The following DNAAF1 variants were observed in gnomAD, a reference collection of about 807,000 sequenced individuals.
DNAAF1 encodes dynein axonemal assembly factor 1, also known as dynein assembly factor 1, axonemal.
DNAAF1 carries 65 observed loss-of-function variants against 71.1 expected under a neutral mutation model. That is an observed-to-expected ratio of 0.91 (90% CI 0.75 to 1.12). DNAAF1 has a LOEUF of 1.12. Among genes scored for constraint, DNAAF1 ranks in the 50% most tolerant of loss-of-function variants. The pLI, the probability that DNAAF1 is intolerant of heterozygous loss-of-function variation, is 0.00. For missense variants in DNAAF1, 1,178 were observed against 899.8 expected (o/e 1.31, Z -3.96); for synonymous variants, 414 against 354.6 (o/e 1.17, Z -1.88).
At chr16:84,174,329 T>C in intron 9 of DNAAF1, 1 of 1,227,858 alleles carries the variant, frequency 8.1e-7, no homozygotes, top group South Asian at 1.7e-5. Context: ...CGGACTAGTT[T>C]GTACAGAGGT....
intron 1 of DNAAF1, among the ~76,000 whole-genome samples, chr16:84,147,759 CCA>C (rs2086979893): frequency 6.7e-6 from 1 of 149,668 alleles, no homozygotes; most frequent in Non-Finnish European, 1.5e-5. Flanking sequence ...TAAGCCCCCC[CCA>C]AAAAAAAAAT....
At chr16:84,173,223 G>T (rs573923993) in intron 9 of DNAAF1, 1 of 973,528 alleles carries the variant, frequency 1.0e-6, no homozygotes, top group East Asian at 1.1e-4. Flanking sequence ...CAGCACTTTG[G>T]GAGGCCGAGG....
Position 84,169,918 on chromosome 16 carries a change from G to C in DNAAF1, c.1090G>C (p.Glu364Gln). ...NVPASAEGKE[E>Q]PPGDRETRQK... ...GCCCGCCAGTGCGGAAGGCAAGGAG[G>C]AGCCTCCCGGGGACAGAGAAACAAG... is the stretch of plus-strand genomic sequence containing the variant. The change falls in exon 8 of 12, where the codon GAG becomes CAG. Residue 364 changes from glutamate to glutamine, a missense_variant. Glu to Gln is a conservative substitution (Grantham distance 29). Transcript: ENST00000378553. 1 of 1,614,148 alleles carries C rather than the reference G, an allele frequency of 6.2e-7. No individual in the cohort carries two copies. Among genetic ancestry groups the C allele is most frequent in the Non-Finnish European group, 8.5e-7 (1 of 1,180,024 alleles).
intron 3 of DNAAF1, 42 bp from the exon 4 acceptor site, chr16:84,154,535 T>C (rs1280852870): frequency 1.9e-6 from 3 of 1,585,430 alleles, no homozygotes; most frequent in Non-Finnish European, 2.6e-6. Context: ...CCCTCTGCCC[T>C]GGGAGTAGGA....
At position 84,169,863 on chromosome 16, in the gene DNAAF1, G is replaced by T. The variant is rs2088231335; in HGVS notation, c.1035G>T (p.Glu345Asp). The change falls in exon 8 of 12, where the codon GAG (glutamate) becomes GAT (aspartate). Residue 345 changes from glutamate (E) to aspartate (D), a missense_variant. Glu to Asp is a conservative substitution (Grantham distance 45). Coordinates refer to ENST00000378553, the MANE Select transcript of DNAAF1 (RefSeq NM_178452.6). ...KRQRESQERGEMTSSDDGENV... is the reference protein window; with the variant it reads ...KRQRESQERGDMTSSDDGENV... ...CTTTGCATTTTCTGCCATTAGGGGA[G>T]ATGACATCTTCAGATGATGGTGAGA... 1 of 1,613,720 alleles carries T rather than the reference G, an allele frequency of 6.2e-7. No homozygotes were observed.
chr16:84,150,496 T>C, intron 3 of DNAAF1, among the ~76,000 whole-genome samples, 154 bp downstream of exon 3: 1 of 152,200 alleles, frequency 6.6e-6, no homozygotes, highest in South Asian at 2.1e-4. Flanking sequence ...AGGAATAACA[T>C]TTATTTCAAG....
At chr16:84,161,292 G>A (rs1198880516) in intron 6 of DNAAF1, among the ~76,000 whole-genome samples, 1 of 152,146 alleles carries the variant, frequency 6.6e-6, no homozygotes, top group Non-Finnish European at 1.5e-5. Flanking sequence ...CGCCCCAGGG[G>A]CCATGCTGAG....
intron 5 of DNAAF1, 107 bp from the exon 6 acceptor site, chr16:84,159,568 T>C (rs2087605651): frequency 6.8e-7 from 1 of 1,469,016 alleles, no homozygotes; most frequent in Non-Finnish European, 9.3e-7. Context: ...CACTTCTATT[T>C]TGCTCAAAAA....
rs201879363 is a variant in DNAAF1, at chr16:84,150,263, T to C, written c.273T>C (p.Ser91=). The C allele has an allele frequency of 6.2e-7, 1 of 1,613,168 alleles. No homozygotes were observed. Among genetic ancestry groups the C allele is most frequent in the Non-Finnish European group, 8.5e-7 (1 of 1,179,116 alleles). ...REDRGPRMTK[S]SLQKLCKQHK... ...TCCATTTTAACAGAATGACTAAAAG[T>C]TCCCTGCAAAAACTCTGCAAGCAGC... is the stretch of plus-strand genomic sequence containing the variant. Residue 91 remains serine, a synonymous_variant, in exon 3 of 12, where the codon AGT becomes AGC. Coordinates refer to ENST00000378553, the MANE Select transcript of DNAAF1 (RefSeq NM_178452.6).
intron 4 of DNAAF1, 131 bp from the exon 5 acceptor site, chr16:84,155,452 C>A: frequency 9.3e-7 from 1 of 1,073,740 alleles, no homozygotes; most frequent in Non-Finnish European, 1.4e-6. Context: ...TGGTCTCAAA[C>A]CTCCTGGGCT....
intron 7 of DNAAF1, among the ~76,000 whole-genome samples, chr16:84,168,144 G>A (rs1474876778): frequency 6.6e-5 from 10 of 152,198 alleles, no homozygotes; most frequent in African/African-American, 1.7e-4. Context: ...GGGCCCCAGG[G>A]GAGAACCCGC....
In DNAAF1 at chr16:84,170,032, G is replaced by C. The variant is rs768393859; in HGVS notation, c.1204G>C (p.Glu402Gln). Reference protein sequence around the residue: ...EKPSGEEPPVEAKREDGGPEP... With the variant: ...EKPSGEEPPVQAKREDGGPEP... ...GCCAAGTGGAGAGGAGCCGCCTGTG[G>C]AGGCTAAAAGAGAGGATGGAGGTCC... is the stretch of plus-strand genomic sequence containing the variant. The change falls in exon 8 of 12, where the codon GAG (glutamate) becomes CAG (glutamine). Residue 402 changes from glutamate (E) to glutamine (Q), a missense_variant. Glu to Gln is a conservative substitution (Grantham distance 29). Coordinates refer to ENST00000378553, the MANE Select transcript of DNAAF1 (RefSeq NM_178452.6). The C allele has an allele frequency of 1.2e-6, 2 of 1,613,862 alleles. No individual in the cohort carries two copies. The highest frequency in any genetic ancestry group is 3.3e-5 in the Admixed American group (2 of 60,022).
At chr16:84,162,825 A>C (rs1349580388) in intron 6 of DNAAF1, among the ~76,000 whole-genome samples, 1 of 147,894 alleles carries the variant, frequency 6.8e-6, no homozygotes, top group Admixed American at 6.8e-5. Context: ...TCAAAAAAAC[A>C]AAAAAAAAAG....
chr16:84,173,254 G>A, intron 9 of DNAAF1: 2 of 883,086 alleles, frequency 2.3e-6, no homozygotes, highest in Non-Finnish European at 2.7e-6. Context: ...ACGAGGTCAG[G>A]AGATCGAGAC....
In DNAAF1 at chr16:84,154,803, G is replaced by T; in HGVS notation, c.574+5G>T. The T allele has an allele frequency of 3.1e-6, 5 of 1,609,770 alleles. No homozygotes were observed. Among genetic ancestry groups the T allele is most frequent in the Non-Finnish European group, 4.3e-6 (5 of 1,176,056 alleles). ...TCAAGACCATTGAAAACCTCTGTAA[G>T]GGTACCCAGCAAGCAGTGTGTCTGT... On this transcript the variant is annotated splice_donor_5th_base_variant and intron_variant, in intron 4 of 11. Transcript: ENST00000378553.
chr16:84,154,598 TG>T lies in DNAAF1; in HGVS notation c.376del (p.Glu126LysfsTer35), dbSNP rs756239623. On this transcript the variant is annotated frameshift_variant, in exon 4 of 12. Transcript: ENST00000378553. LOFTEE classifies it high-confidence loss of function. ...HFKGFDRIEN[L>X]EEYTGLRCLW... ...TTAGGTTTTGATCGCATTGAGAACC[TG>T]GAAGAGTACACAGGGCTGCGCTGTC... The T allele has an allele frequency of 2.5e-6, 4 of 1,614,034 alleles. No individual in the cohort carries two copies. In the East Asian group the frequency reaches 8.9e-5, roughly 36 times the overall value.
At chr16:84,175,776 C>T (rs1447226676) in intron 10 of DNAAF1, 157 bp from the exon 11 acceptor site, 4 of 946,842 alleles carry the variant, frequency 4.2e-6, no homozygotes, top group South Asian at 3.0e-5. Flanking sequence ...ACCCCCAGGC[C>T]TAACTTTCAG....
intron 6 of DNAAF1, among the ~76,000 whole-genome samples, chr16:84,163,519 T>C (rs1374665612): frequency 1.3e-5 from 2 of 152,082 alleles, no homozygotes; most frequent in East Asian, 3.9e-4. Flanking sequence ...TAGCTGGGAT[T>C]ACAGGCATCT....
At chr16:84,158,182 G>C (rs1170838037) in intron 5 of DNAAF1, among the ~76,000 whole-genome samples, 1 of 152,018 alleles carries the variant, frequency 6.6e-6, no homozygotes, top group East Asian at 1.9e-4. Flanking sequence ...TCCAGCCTGG[G>C]AGACAGGCAG....
Sources: allele counts gnomAD v4.1 joint callset (sites outside exome capture counted in the v4.1 genomes callset), GRCh38; gene constraint gnomAD v4.1.1; transcripts MANE v1.5; gene names NCBI Gene and HGNC (gene_info 2026-07-23, HGNC 2026-07-21).